The following FHIT variants were observed in gnomAD, a reference collection of about 807,000 sequenced individuals.
FHIT encodes fragile histidine triad diadenosine triphosphatase, also known as bis(5'-adenosyl)-triphosphatase.
In FHIT, 19 loss-of-function variants were observed where a neutral mutation model predicts 17.9. That is an observed-to-expected ratio of 1.06 (90% CI 0.74 to 1.56). The LOEUF (loss-of-function observed/expected upper bound fraction) is 1.56. FHIT is among the 40% of genes most tolerant of loss of function. The pLI is 0.00. For synonymous variants in FHIT, 81 were observed against 69.7 expected (o/e 1.16, Z -0.81); for missense variants, 248 against 189.2 (o/e 1.31, Z -1.82).
intron 4 of FHIT, among the ~76,000 whole-genome samples, chr3:60,734,018 A>C (rs17063890): frequency 0.11 from 17,431 of 152,210 alleles, 1,366 homozygotes; most frequent in African/African-American, 0.22. Context: ...CTGAATAATG[A>C]AAGAAGAATC....
chr3:60,301,371 A>T (rs1404579981), intron 5 of FHIT, among the ~76,000 whole-genome samples: 1 of 152,164 alleles, frequency 6.6e-6, no homozygotes, highest in Non-Finnish European at 1.5e-5. Flanking sequence ...AATCTGCATT[A>T]TGACTCATGA....
At chr3:60,964,395 G>C (rs1457960776) in intron 3 of FHIT, among the ~76,000 whole-genome samples, 2 of 152,066 alleles carry the variant, frequency 1.3e-5, no homozygotes, top group Non-Finnish European at 2.9e-5. Flanking sequence ...CAATTTGCCA[G>C]TCTGTGTCTT....
At chr3:60,545,011 C>G (rs893095304) in intron 4 of FHIT, among the ~76,000 whole-genome samples, 1 of 152,022 alleles carries the variant, frequency 6.6e-6, no homozygotes, top group Non-Finnish European at 1.5e-5. Flanking sequence ...AAACAAAACT[C>G]TTTTGTCAAA....
chr3:60,042,271 TA>T (rs1304171094), intron 5 of FHIT, among the ~76,000 whole-genome samples: 1 of 152,218 alleles, frequency 6.6e-6, no homozygotes, highest in East Asian at 1.9e-4. Context: ...ATGGAAAATG[TA>T]ACCTGAAGTA....
chr3:60,834,360 T>C (rs192586785), intron 3 of FHIT, among the ~76,000 whole-genome samples: 1 of 152,356 alleles, frequency 6.6e-6, no homozygotes, highest in East Asian at 1.9e-4. Context: ...TGGTTAATAA[T>C]GTTGAACATC....
intron 2 of FHIT, among the ~76,000 whole-genome samples, chr3:61,057,115 C>G (rs1226162600): frequency 2.0e-5 from 3 of 152,130 alleles, no homozygotes; most frequent in Non-Finnish European, 4.4e-5. Flanking sequence ...ACAGACATCC[C>G]GTATTGATGT....
At chr3:60,833,228 G>T (rs532292352) in intron 3 of FHIT, among the ~76,000 whole-genome samples, 3 of 152,118 alleles carry the variant, frequency 2.0e-5, no homozygotes, top group Admixed American at 2.0e-4. Flanking sequence ...CTCCAATCAC[G>T]AGCCCTGTAG....
At chr3:60,872,356 T>C (rs547564474) in intron 3 of FHIT, among the ~76,000 whole-genome samples, 9 of 152,298 alleles carry the variant, frequency 5.9e-5, no homozygotes, top group Non-Finnish European at 1.3e-4. Flanking sequence ...CTGTAATTCA[T>C]TTTGGTTCCA....
chr3:60,072,319 C>T (rs1041024814), intron 5 of FHIT, among the ~76,000 whole-genome samples: 2 of 152,160 alleles, frequency 1.3e-5, no homozygotes, highest in Non-Finnish European at 2.9e-5. Flanking sequence ...TGATTTGGTG[C>T]TAATGTTAAG....
At chr3:59,893,623 A>G (rs144155330) in intron 8 of FHIT, among the ~76,000 whole-genome samples, 2 of 152,344 alleles carry the variant, frequency 1.3e-5, no homozygotes, top group African/African-American at 4.8e-5. Context: ...TAAAAGGAAA[A>G]AGGAAAATAA....
intron 5 of FHIT, among the ~76,000 whole-genome samples, chr3:60,178,278 T>C (rs1219517165): frequency 6.6e-6 from 1 of 152,078 alleles, no homozygotes; most frequent in African/African-American, 2.4e-5. Flanking sequence ...AAGGGAAAAC[T>C]ATCATTATTA....
intron 4 of FHIT, among the ~76,000 whole-genome samples, chr3:60,592,268 CTATA>C (rs35356066): frequency 4.1e-5 from 6 of 145,668 alleles, no homozygotes; most frequent in South Asian, 4.3e-4. Flanking sequence ...TACTCTCTCT[CTATA>C]TATATATATA....
At chr3:59,988,037 G>A (rs1055555512) in intron 7 of FHIT, among the ~76,000 whole-genome samples, 1 of 151,914 alleles carries the variant, frequency 6.6e-6, no homozygotes, top group Admixed American at 6.6e-5. Context: ...TTGTTTCCTG[G>A]GTAATTATTT....
intron 1 of FHIT, among the ~76,000 whole-genome samples, chr3:61,240,928 C>T (rs144030805): frequency 5.9e-5 from 9 of 152,232 alleles, no homozygotes; most frequent in African/African-American, 2.2e-4. Flanking sequence ...CTATGTAAGG[C>T]GTCCCAAAGT....
intron 3 of FHIT, among the ~76,000 whole-genome samples, chr3:61,008,962 G>C (rs1300081274): frequency 6.6e-6 from 1 of 152,054 alleles, no homozygotes; most frequent in East Asian, 1.9e-4. Context: ...TCCACAAACT[G>C]ATACAGCTAC....
intron 8 of FHIT, among the ~76,000 whole-genome samples, chr3:59,795,966 C>T (rs892889936): frequency 6.6e-6 from 1 of 152,146 alleles, no homozygotes; most frequent in Non-Finnish European, 1.5e-5. Flanking sequence ...CAGAACTCGA[C>T]TGAGTGCGCC....
At chr3:60,110,520 G>C (rs554340423) in intron 5 of FHIT, among the ~76,000 whole-genome samples, 1 of 152,244 alleles carries the variant, frequency 6.6e-6, no homozygotes, top group Admixed American at 6.5e-5. Context: ...ATGTAAAACA[G>C]GTGTGATTCA....
chr3:60,373,030 AATTT>A (rs146783179), intron 5 of FHIT, among the ~76,000 whole-genome samples: 39,568 of 151,890 alleles, frequency 0.26, 6,000 homozygotes, highest in Non-Finnish European at 0.35. Flanking sequence ...AATCATATGA[AATTT>A]ATTTATTTAT....
intron 4 of FHIT, among the ~76,000 whole-genome samples, chr3:60,653,476 T>A (rs1553688841): frequency 6.7e-6 from 1 of 149,296 alleles, no homozygotes; most frequent in Non-Finnish European, 1.5e-5. Flanking sequence ...GGTCTAAGGA[T>A]GACTAACCAA....
Sources: gnomAD v4.1 joint callset for allele counts (sites outside exome capture counted in the v4.1 genomes callset) on GRCh38, gnomAD v4.1.1 for gene constraint, MANE v1.5 for transcripts, NCBI Gene and HGNC (gene_info 2026-07-23, HGNC 2026-07-21) for gene names.